ADGRV1: variants seen among roughly 807,000 people sequenced by gnomAD.
ADGRV1 encodes G-protein coupled receptor 98.
Under a neutral mutation model 596.2 loss-of-function variants are expected in ADGRV1, and 359 were observed. That is an observed-to-expected ratio of 0.60 (90% CI 0.55 to 0.66). ADGRV1 has a LOEUF of 0.66. Ranked by LOEUF, ADGRV1 falls within the 30% of genes least tolerant of loss-of-function variation. The pLI, the probability that ADGRV1 is intolerant of heterozygous loss-of-function variation, is 0.00. For synonymous variants in ADGRV1, 2,681 were observed against 2,679.2 expected, an observed-to-expected ratio of 1.00 and a Z score of -0.02; for missense variants, 7,274 against 7,575.6, an observed-to-expected ratio of 0.96 and a Z score of 1.48.
chr5:90,847,474 G>A (rs1335877959), intron 78 of ADGRV1, among the ~76,000 whole-genome samples: 1 of 152,234 alleles, frequency 6.6e-6, no homozygotes, highest in Non-Finnish European at 1.5e-5. Flanking sequence ...CCCGCACCAG[G>A]GCTGCAGGTG....
rs1787897568 is a variant in ADGRV1 at position 91,066,530 on chromosome 5, T to C, written c.18153-5917T>C. On this transcript the variant is annotated intron_variant, in intron 85 of 89. Transcript: ENST00000405460. Reference sequence around the variant, plus strand: ...ACAGTATTGCTCAGAAAATAATACCTATCAGCTTTAAAAGAAGAGTTAAAA... The same window carrying C: ...ACAGTATTGCTCAGAAAATAATACCCATCAGCTTTAAAAGAAGAGTTAAAA... Among the ~76,000 whole-genome samples the C allele has an allele frequency of 3.3e-5, 5 of 152,308 alleles. No individual in the cohort carries two copies. The South Asian group carries it at 1.0e-3, about 32-fold the overall frequency.
At chr5:90,854,568 G>A (rs1766845531) in intron 81 of ADGRV1, among the ~76,000 whole-genome samples, 1 of 152,164 alleles carries the variant, frequency 6.6e-6, no homozygotes, top group Non-Finnish European at 1.5e-5. Flanking sequence ...GGAAACTGAT[G>A]CCTTGTGTTT....
chr5:91,087,092 G>A (rs1789941140), intron 86 of ADGRV1, among the ~76,000 whole-genome samples: 1 of 151,982 alleles, frequency 6.6e-6, no homozygotes, highest in South Asian at 2.1e-4. Flanking sequence ...TTCAAATATG[G>A]CCCATCTTCA....
intron 85 of ADGRV1, among the ~76,000 whole-genome samples, chr5:90,987,185 T>G (rs538792870): frequency 6.6e-6 from 1 of 152,236 alleles, no homozygotes; most frequent in East Asian, 1.9e-4. Context: ...ATCTTAAAGA[T>G]TTGTTAGACC....
chr5:90,832,612 T>G (rs1335912720), intron 77 of ADGRV1, among the ~76,000 whole-genome samples: 1 of 152,194 alleles, frequency 6.6e-6, no homozygotes, highest in Non-Finnish European at 1.5e-5. Flanking sequence ...TTTGATATGA[T>G]TCCATTTGTC....
At chr5:90,680,849 A>G (rs1428593783) in intron 26 of ADGRV1, among the ~76,000 whole-genome samples, 1 of 152,236 alleles carries the variant, frequency 6.6e-6, no homozygotes, top group Admixed American at 6.5e-5. Flanking sequence ...AGATAGATTT[A>G]TAGTATCATC....
chr5:90,823,419 T>C lies in ADGRV1; in HGVS notation c.16197-6T>C, dbSNP rs375202672. The stretch of plus-strand genomic sequence containing the variant: ...GTTAAGGCATTGGTGGGTTTCTTGC[T>C]CACAGGGCCTTTGAAGATGTCAAGG... On this transcript the variant is annotated splice_region_variant and splice_polypyrimidine_tract_variant and intron_variant, in intron 75 of 89. Transcript: ENST00000405460. 1.4e-5 allele frequency: 22 copies of C among 1,612,998 alleles called. No homozygotes were observed. The African/African-American group carries it at 2.7e-4, about 20-fold the overall frequency.
intron 34 of ADGRV1, among the ~76,000 whole-genome samples, chr5:90,703,137 C>T (rs1213197877): frequency 6.6e-6 from 1 of 152,016 alleles, no homozygotes; most frequent in East Asian, 1.9e-4. Context: ...ACAGATTTGA[C>T]ACCTTTCCTT....
intron 83 of ADGRV1, among the ~76,000 whole-genome samples, chr5:90,873,657 A>G (rs1001817391): frequency 7.9e-5 from 12 of 152,308 alleles, no homozygotes; most frequent in Non-Finnish European, 1.5e-4. Context: ...AAAGCCAGGC[A>G]TGGTGGTGCA....
At chr5:91,013,889 G>T (rs1003881681) in intron 85 of ADGRV1, among the ~76,000 whole-genome samples, 6 of 151,878 alleles carry the variant, frequency 4.0e-5, no homozygotes, top group African/African-American at 1.5e-4. Flanking sequence ...TGTGTATGGT[G>T]TAAGGAAGCA....
intron 1 of ADGRV1, among the ~76,000 whole-genome samples, chr5:90,609,138 A>G (rs1008498963): frequency 6.6e-6 from 1 of 152,062 alleles, no homozygotes; most frequent in African/African-American, 2.4e-5. Flanking sequence ...GTATATATGT[A>G]CACACATAAA....
At chr5:91,113,801 C>A (rs1792598373) in intron 87 of ADGRV1, among the ~76,000 whole-genome samples, 1 of 151,970 alleles carries the variant, frequency 6.6e-6, no homozygotes, top group South Asian at 2.1e-4. Context: ...TGCCTTTAGT[C>A]CCAGCTACTC....
intron 1 of ADGRV1, among the ~76,000 whole-genome samples, chr5:90,578,359 A>G (rs1757515168): frequency 6.6e-6 from 1 of 152,162 alleles, no homozygotes; most frequent in African/African-American, 2.4e-5. Context: ...TTCTGCATCT[A>G]TTGAGATAAT....
At chr5:90,649,170 A>AT (rs1481559266) in intron 17 of ADGRV1, among the ~76,000 whole-genome samples, 4 of 151,900 alleles carry the variant, frequency 2.6e-5, no homozygotes, top group Non-Finnish European at 4.4e-5. Flanking sequence ...TGCCCAGCTA[A>AT]TTTTTTTATT....
At chr5:91,003,559 C>G (rs1782015073) in intron 85 of ADGRV1, among the ~76,000 whole-genome samples, 1 of 152,076 alleles carries the variant, frequency 6.6e-6, no homozygotes, top group South Asian at 2.1e-4. Flanking sequence ...TGACGAGATC[C>G]CAGGAGAAAA....
intron 21 of ADGRV1, among the ~76,000 whole-genome samples, chr5:90,671,898 T>A (rs1032936888): frequency 2.4e-4 from 37 of 152,220 alleles, no homozygotes; most frequent in African/African-American, 8.7e-4. Context: ...TTGAAAAAAA[T>A]ACCTCTAGGT....
At chr5:90,819,206 G>A (rs1171402953) in intron 75 of ADGRV1, among the ~76,000 whole-genome samples, 1 of 152,112 alleles carries the variant, frequency 6.6e-6, no homozygotes, top group Non-Finnish European at 1.5e-5. Context: ...TTTGCGTAGA[G>A]GTGTTTGTAG....
At chr5:91,014,728 G>A (rs1247053859) in intron 85 of ADGRV1, among the ~76,000 whole-genome samples, 1 of 151,740 alleles carries the variant, frequency 6.6e-6, no homozygotes, top group Non-Finnish European at 1.5e-5. Flanking sequence ...TTCTGTGAGG[G>A]GCAGTGGTAA....
intron 77 of ADGRV1, among the ~76,000 whole-genome samples, chr5:90,831,096 C>T (rs1417389910): frequency 6.6e-6 from 1 of 152,102 alleles, no homozygotes; most frequent in East Asian, 1.9e-4. Context: ...GGCCATAAGG[C>T]TTGAACTGGA....
Sources: allele counts gnomAD v4.1 joint callset (sites outside exome capture counted in the v4.1 genomes callset), GRCh38; gene constraint gnomAD v4.1.1; transcripts MANE v1.5; gene names NCBI Gene and HGNC (gene_info 2026-07-23, HGNC 2026-07-21).